Variants in CACNA2D3 observed in about 807,000 individuals in gnomAD.
CACNA2D3 encodes calcium voltage-gated channel auxiliary subunit alpha2delta 3.
A neutral mutation model predicts 160.6 loss-of-function variants in CACNA2D3; 60 were observed. That is an observed-to-expected ratio of 0.37 (90% CI 0.30 to 0.46). The LOEUF (loss-of-function observed/expected upper bound fraction) is 0.46, where lower values mean the gene tolerates loss of function less well. Among genes scored for constraint, CACNA2D3 ranks in the 20% least tolerant of loss-of-function variants. The pLI, the probability that CACNA2D3 is intolerant of heterozygous loss-of-function variation, is 1.00. For synonymous variants in CACNA2D3, 558 were observed against 492.9 expected, an observed-to-expected ratio of 1.13 and a Z score of -1.75; for missense variants, 1,205 against 1,365.0, an observed-to-expected ratio of 0.88 and a Z score of 1.85.
chr3:54,798,039 G>A (rs1293205985), intron 13 of CACNA2D3, among the ~76,000 whole-genome samples: 3 of 152,144 alleles, frequency 2.0e-5, no homozygotes, highest in East Asian at 1.9e-4. Flanking sequence ...TGAAAATCCC[G>A]TGAAAAGTGT....
At chr3:54,999,215 A>G (rs1702926043) in intron 31 of CACNA2D3, among the ~76,000 whole-genome samples, 1 of 152,190 alleles carries the variant, frequency 6.6e-6, no homozygotes, top group South Asian at 2.1e-4. Context: ...TACGAGCAGG[A>G]GAGAAGGGAG....
At chr3:54,781,880 G>T (rs147028527) in intron 13 of CACNA2D3, among the ~76,000 whole-genome samples, 1 of 152,314 alleles carries the variant, frequency 6.6e-6, no homozygotes, top group East Asian at 1.9e-4. Flanking sequence ...CGTTCTATTT[G>T]GAGTCAGGTA....
intron 14 of CACNA2D3, among the ~76,000 whole-genome samples, chr3:54,819,087 C>G (rs911654272): frequency 7.3e-5 from 11 of 150,592 alleles, no homozygotes; most frequent in Non-Finnish European, 4.4e-5. Context: ...ACCTCAGTGA[C>G]ACTTGCAAGA....
chr3:54,859,972 G>GCGCGCACGCA (rs535185040), intron 17 of CACNA2D3, among the ~76,000 whole-genome samples: 1 of 133,788 alleles, frequency 7.5e-6, no homozygotes, highest in Non-Finnish European at 1.6e-5. Flanking sequence ...GAAAGTAGAT[G>GCGCGCACGCA]CACACACACA....
chr3:54,629,054 T>A (rs946182366), intron 10 of CACNA2D3, among the ~76,000 whole-genome samples: 41 of 152,050 alleles, frequency 2.7e-4, no homozygotes, highest in African/African-American at 9.4e-4. Flanking sequence ...TGTATGATCC[T>A]TGTCAAACTG....
intron 16 of CACNA2D3, among the ~76,000 whole-genome samples, chr3:54,841,597 T>C (rs942767063): frequency 6.6e-6 from 1 of 152,188 alleles, no homozygotes; most frequent in Non-Finnish European, 1.5e-5. Context: ...CCCTCCTGAT[T>C]AACACCTTGT....
chr3:54,493,529 C>T (rs1445269074), intron 4 of CACNA2D3, among the ~76,000 whole-genome samples: 1 of 152,144 alleles, frequency 6.6e-6, no homozygotes. Context: ...ACTACCCTCT[C>T]ATTCAGCCAA....
chr3:54,949,115 A>G (rs1400428027), intron 27 of CACNA2D3, among the ~76,000 whole-genome samples: 1 of 152,190 alleles, frequency 6.6e-6, no homozygotes, highest in African/African-American at 2.4e-5. Context: ...TGGCAAACTC[A>G]GTGGAAAGAA....
chr3:54,717,674 TGTGTGTG>T (rs1291800784), intron 11 of CACNA2D3, among the ~76,000 whole-genome samples: 2 of 84,622 alleles, frequency 2.4e-5, no homozygotes, highest in Admixed American at 1.4e-4. Context: ...GCATGTGTGG[TGTGTGTG>T]GTGTGTGCGT....
intron 11 of CACNA2D3, among the ~76,000 whole-genome samples, chr3:54,717,882 T>G (rs1188704139): frequency 6.6e-6 from 1 of 150,952 alleles, no homozygotes. Flanking sequence ...GTGGTGGGTG[T>G]GTGTGCGTGT....
At chr3:54,135,912 G>A (rs1699806451) in intron 2 of CACNA2D3, among the ~76,000 whole-genome samples, 1 of 152,202 alleles carries the variant, frequency 6.6e-6, no homozygotes, top group South Asian at 2.1e-4. Context: ...CCAGGCTTGG[G>A]CCCGGGCCAG....
chr3:54,136,324 C>A (rs1699814800), intron 2 of CACNA2D3, among the ~76,000 whole-genome samples: 4 of 152,224 alleles, frequency 2.6e-5, no homozygotes, highest in Admixed American at 2.6e-4. Flanking sequence ...AAGCCTCCAA[C>A]CTTCTCCTTT....
intron 2 of CACNA2D3, among the ~76,000 whole-genome samples, chr3:54,258,492 G>A (rs1702342521): frequency 6.6e-6 from 1 of 152,224 alleles, no homozygotes; most frequent in African/African-American, 2.4e-5. Flanking sequence ...AACCTTGTCT[G>A]ATGTTGGAGA....
intron 2 of CACNA2D3, among the ~76,000 whole-genome samples, chr3:54,159,669 C>T (rs1700306834): frequency 6.6e-6 from 1 of 152,110 alleles, no homozygotes; most frequent in Admixed American, 6.5e-5. Context: ...GATTCTATGT[C>T]TAATCCTCTT....
chr3:54,160,425 G>A (rs1700323245), intron 2 of CACNA2D3, among the ~76,000 whole-genome samples: 1 of 152,164 alleles, frequency 6.6e-6, no homozygotes, highest in African/African-American at 2.4e-5. Flanking sequence ...GCTTGAACCT[G>A]GGAGGCAGAG....
intron 2 of CACNA2D3, among the ~76,000 whole-genome samples, chr3:54,255,159 G>A (rs375978587): frequency 2.6e-4 from 39 of 152,330 alleles, no homozygotes; most frequent in African/African-American, 9.1e-4. Context: ...ATGGAATCAT[G>A]TTTGATTTTA....
chr3:54,636,379 C>T (rs569095452), intron 10 of CACNA2D3, among the ~76,000 whole-genome samples: 31 of 151,956 alleles, frequency 2.0e-4, no homozygotes, highest in Non-Finnish European at 3.4e-4. Context: ...GATTGAAGTC[C>T]GGGCCAGGAA....
chr3:54,795,898 A>T (rs1702857245), intron 13 of CACNA2D3, among the ~76,000 whole-genome samples: 1 of 152,230 alleles, frequency 6.6e-6, no homozygotes, highest in African/African-American at 2.4e-5. Context: ...CTGAAAATAC[A>T]CATAGATTTC....
chr3:54,491,143 T>G (rs1157869643), intron 4 of CACNA2D3, among the ~76,000 whole-genome samples: 18 of 152,214 alleles, frequency 1.2e-4, no homozygotes, highest in Non-Finnish European at 2.5e-4. Context: ...CTGCTGACCA[T>G]GTGTTCTAGA....
Sources: gnomAD v4.1 joint callset for allele counts (sites outside exome capture counted in the v4.1 genomes callset) on GRCh38, gnomAD v4.1.1 for gene constraint, MANE v1.5 for transcripts, NCBI Gene and HGNC (gene_info 2026-07-23, HGNC 2026-07-21) for gene names.